CORO1C: variants seen among roughly 807,000 people sequenced by gnomAD.
CORO1C encodes coronin 1C, also known as coronin-1C.
In CORO1C, 14 loss-of-function variants were observed where a neutral mutation model predicts 51.2. The ratio of observed to expected loss-of-function variants is 0.27; its 90% CI spans 0.18 to 0.43. CORO1C has a LOEUF of 0.43. Ranked by LOEUF, CORO1C falls within the 20% of genes least tolerant of loss-of-function variation. The pLI, the probability that CORO1C is intolerant of heterozygous loss-of-function variation, is 1.00. For missense variants in CORO1C, 417 were observed against 607.8 expected (o/e 0.69, Z 3.30); for synonymous variants, 181 against 210.5 (o/e 0.86, Z 1.21).
chr12:108,722,105 G>A (rs1348404844), intron 1 of CORO1C, among the ~76,000 whole-genome samples: 1 of 152,142 alleles, frequency 6.6e-6, no homozygotes, highest in Admixed American at 6.5e-5. Context: ...AAACCTTGCT[G>A]TAATGACTGA....
At chr12:108,661,710 C>T (rs968534095) in intron 4 of CORO1C, among the ~76,000 whole-genome samples, 2 of 152,144 alleles carry the variant, frequency 1.3e-5, no homozygotes, top group African/African-American at 4.8e-5. Flanking sequence ...ACAAAGTACA[C>T]CTTCTACCAT....
intron 1 of CORO1C, among the ~76,000 whole-genome samples, chr12:108,710,288 A>G (rs759551227): frequency 1.8e-4 from 27 of 152,332 alleles, no homozygotes; most frequent in Admixed American, 3.9e-4. Flanking sequence ...CAAGTTTTCC[A>G]GGTGATACTG....
chr12:108,672,939 G>A (rs751761303), intron 3 of CORO1C, among the ~76,000 whole-genome samples: 1 of 152,066 alleles, frequency 6.6e-6, no homozygotes, highest in East Asian at 1.9e-4. Flanking sequence ...TGCTCTTCCT[G>A]TATTCCTGTC....
chr12:108,657,307 A>T lies in CORO1C; in HGVS notation c.747T>A (p.Asn249Lys). The T allele has an allele frequency of 6.2e-7, 1 of 1,613,854 alleles. No individual in the cohort carries two copies. The highest frequency in any genetic ancestry group is 8.5e-7 in the Non-Finnish European group (1 of 1,179,838). Residue 249 changes from asparagine to lysine, a missense_variant, in exon 6 of 11, where the codon AAT becomes AAA. Coordinates refer to ENST00000261401, the MANE Select transcript of CORO1C (RefSeq NM_014325.4). ...RMSERQLALW[N>K]PKNMQEPIAL... The stretch of plus-strand genomic sequence containing the variant: ...GGAAAGCCTGGGGAGGGCGTACCGG[A>T]TTCCAGAGAGCCAGCTGCCGCTCGC...
intron 6 of CORO1C, among the ~76,000 whole-genome samples, chr12:108,655,695 G>A (rs146021826): frequency 0.074 from 11,233 of 152,266 alleles, 629 homozygotes; most frequent in East Asian, 0.32. Flanking sequence ...AATGTTGCCC[G>A]GGCTGGAGTG....
chr12:108,661,501 A>C (rs1565906154), intron 4 of CORO1C, among the ~76,000 whole-genome samples: 1 of 152,142 alleles, frequency 6.6e-6, no homozygotes, highest in Non-Finnish European at 1.5e-5. Flanking sequence ...AGTAATAATG[A>C]TCTTCTCTCT....
chr12:108,668,532 T>C (rs893807741), intron 3 of CORO1C: 5 of 152,156 alleles, frequency 3.3e-5, no homozygotes, highest in Non-Finnish European at 5.9e-5. Context: ...AAAACTATAT[T>C]AGGAAAATTT....
intron 1 of CORO1C, among the ~76,000 whole-genome samples, chr12:108,723,153 T>C (rs2035512396): frequency 6.6e-6 from 1 of 152,222 alleles, no homozygotes; most frequent in South Asian, 2.1e-4. Context: ...ACAAAATTAA[T>C]TCACCATCTA....
intron 3 of CORO1C, among the ~76,000 whole-genome samples, chr12:108,664,082 C>T (rs1253450888): frequency 2.6e-5 from 4 of 152,098 alleles, no homozygotes; most frequent in East Asian, 1.9e-4. Context: ...AGAACCCTAC[C>T]GAAGACCAGA....
At chr12:108,672,699 G>T (rs2033763444) in intron 3 of CORO1C, among the ~76,000 whole-genome samples, 1 of 151,590 alleles carries the variant, frequency 6.6e-6, no homozygotes, top group South Asian at 2.1e-4. Flanking sequence ...TCAACCCTAA[G>T]GCAAGTCTAT....
chr12:108,729,632 C>A (rs1236607853), intron 1 of CORO1C, among the ~76,000 whole-genome samples: 1 of 152,212 alleles, frequency 6.6e-6, no homozygotes, highest in Non-Finnish European at 1.5e-5. Context: ...TGCGATTTCT[C>A]AGATCCAATG....
intron 2 of CORO1C, among the ~76,000 whole-genome samples, chr12:108,695,463 G>A (rs1407565806): frequency 6.6e-6 from 1 of 152,178 alleles, no homozygotes; most frequent in Non-Finnish European, 1.5e-5. Context: ...GAGATCAAGA[G>A]CATATAATTC....
Position 108,646,848 on chromosome 12 carries a change from A to G in CORO1C, c.*555T>C, listed in dbSNP as rs1019845542. The G allele has an allele frequency of 6.5e-6, 1 of 152,692 alleles. No individual in the cohort carries two copies. The allele number at this position is 152,692 out of a possible 1,614,324, so 9.5% of individuals were successfully genotyped here. A position where few individuals can be genotyped will look rare whatever the true frequency, so the allele number is the denominator to read the frequency against. Reference sequence around the variant, plus strand: ...TGATTGTTCTCAGATGAATGTTTATACAAAATAATATCTTATCTTCATTTA... The same window carrying G: ...TGATTGTTCTCAGATGAATGTTTATGCAAAATAATATCTTATCTTCATTTA... On this transcript the variant is annotated 3_prime_UTR_variant, in exon 11 of 11. Coordinates refer to ENST00000261401, the MANE Select transcript of CORO1C (RefSeq NM_014325.4).
chr12:108,728,568 T>G (rs904719511), intron 1 of CORO1C, among the ~76,000 whole-genome samples: 1 of 152,200 alleles, frequency 6.6e-6, no homozygotes, highest in Non-Finnish European at 1.5e-5. Context: ...ACCACAGAAC[T>G]GTACACTTTA....
At chr12:108,705,729 G>A (rs972207683) in intron 1 of CORO1C, among the ~76,000 whole-genome samples, 2 of 151,994 alleles carry the variant, frequency 1.3e-5, no homozygotes, top group African/African-American at 4.8e-5. Flanking sequence ...AACAATACCA[G>A]CAAACGAAAT....
At position 108,669,784 on chromosome 12, in the gene CORO1C, TAAG is replaced by T. The variant is rs201693239; in HGVS notation, c.319-7629_319-7627del. On this transcript the variant is annotated intron_variant, in intron 3 of 10. Transcript: ENST00000261401. Reference sequence around the variant, plus strand: ...AAGAGCAAGGTGGAAAATAAGGTATTAAGAAGCAGGTAGGCTAGGAGAAGATCA... The same window carrying T: ...AAGAGCAAGGTGGAAAATAAGGTATTAAGCAGGTAGGCTAGGAGAAGATCA... Among the ~76,000 whole-genome samples, 957 of 152,050 alleles carry T rather than the reference TAAG, an allele frequency of 6.3e-3. 6 individuals carry two copies. Among genetic ancestry groups the T allele is most frequent in the Non-Finnish European group, 9.9e-3 (676 of 68,008 alleles).
chr12:108,668,830 T>C (rs1206897374), intron 3 of CORO1C, among the ~76,000 whole-genome samples: 1 of 152,246 alleles, frequency 6.6e-6, no homozygotes, highest in Non-Finnish European at 1.5e-5. Flanking sequence ...TAAACTTAAG[T>C]TGACTGCTCT....
chr12:108,653,474 A>T (rs948700439), intron 7 of CORO1C, among the ~76,000 whole-genome samples: 2 of 152,238 alleles, frequency 1.3e-5, no homozygotes, highest in African/African-American at 4.8e-5. Flanking sequence ...TTTACCACCC[A>T]GTGAAGGGCT....
chr12:108,670,736 T>C (rs2033683056), intron 3 of CORO1C, among the ~76,000 whole-genome samples: 1 of 149,462 alleles, frequency 6.7e-6, no homozygotes, highest in African/African-American at 2.5e-5. Context: ...AAAAAGAAAA[T>C]AAGACACAGA....
Sources: allele counts gnomAD v4.1 joint callset (sites outside exome capture counted in the v4.1 genomes callset), GRCh38; gene constraint gnomAD v4.1.1; transcripts MANE v1.5; gene names NCBI Gene and HGNC (gene_info 2026-07-23, HGNC 2026-07-21).